Variants in CLSTN2 observed in about 807,000 individuals in gnomAD.
CLSTN2 encodes calsyntenin 2, also known as calsyntenin-2.
A neutral mutation model predicts 101.2 loss-of-function variants in CLSTN2; 48 were observed. The observed-to-expected ratio is 0.47, with a 90% CI of 0.38 to 0.60. The LOEUF is 0.60. CLSTN2 is among the 20% of genes least tolerant of loss of function. The pLI is 0.00. For missense variants in CLSTN2, 1,160 were observed against 1,238.2 expected (o/e 0.94, Z 0.95); for synonymous variants, 481 against 463.6 (o/e 1.04, Z -0.48).
intron 2 of CLSTN2, among the ~76,000 whole-genome samples, chr3:140,311,612 A>G (rs2087169560): frequency 6.6e-6 from 1 of 151,696 alleles, no homozygotes; most frequent in Admixed American, 6.6e-5. Flanking sequence ...GGCCAGATTT[A>G]TGATACTTAT....
intron 2 of CLSTN2, among the ~76,000 whole-genome samples, chr3:140,352,970 A>T (rs1006678162): frequency 2.0e-5 from 3 of 152,162 alleles, no homozygotes; most frequent in Non-Finnish European, 4.4e-5. Context: ...TTATATCTGT[A>T]CTGAACCTGT....
At chr3:140,096,476 T>C (rs1213278987) in intron 1 of CLSTN2, among the ~76,000 whole-genome samples, 2 of 152,176 alleles carry the variant, frequency 1.3e-5, no homozygotes, top group South Asian at 4.1e-4. Context: ...GCACTGGAAG[T>C]AAGGTGCTGG....
chr3:140,545,163 C>T (rs1935562198), intron 9 of CLSTN2, among the ~76,000 whole-genome samples: 1 of 152,124 alleles, frequency 6.6e-6, no homozygotes, highest in Non-Finnish European at 1.5e-5. Context: ...GCCAGCCCAC[C>T]CCCAAGCTGA....
chr3:140,083,001 G>A (rs976088124), intron 1 of CLSTN2, among the ~76,000 whole-genome samples: 8 of 152,136 alleles, frequency 5.3e-5, no homozygotes, highest in East Asian at 1.9e-4. Context: ...TGCTGTTTCC[G>A]CTGCCTGAGA....
chr3:140,282,353 A>G (rs2086856240), intron 2 of CLSTN2, among the ~76,000 whole-genome samples: 1 of 152,180 alleles, frequency 6.6e-6, no homozygotes, highest in Non-Finnish European at 1.5e-5. Context: ...GTACAGGTGC[A>G]GAGAGGTGAC....
At chr3:140,305,504 C>T (rs764855077) in intron 2 of CLSTN2, among the ~76,000 whole-genome samples, 1 of 152,162 alleles carries the variant, frequency 6.6e-6, no homozygotes, top group Non-Finnish European at 1.5e-5. Flanking sequence ...AGGTCAGACA[C>T]ATCGTGAGAG....
In CLSTN2 at chr3:140,144,936, C is replaced by A. The variant is rs185418631; in HGVS notation, c.110-31015C>A. On this transcript the variant is annotated intron_variant, in intron 1 of 16. Coordinates refer to ENST00000458420, the MANE Select transcript of CLSTN2 (RefSeq NM_022131.3). ...TGTGAAGAGTTATTTCAACTCATAT[C>A]TTTTGTGAAAGAGGCTCTCACCTCT... Among the ~76,000 whole-genome samples the A allele has an allele frequency of 2.7e-3, 410 of 152,342 alleles. 7 individuals carry two copies. Among genetic ancestry groups the A allele is most frequent in the Non-Finnish European group, 7.6e-4 (52 of 68,030 alleles).
At chr3:140,113,213 G>C (rs2009183897) in intron 1 of CLSTN2, among the ~76,000 whole-genome samples, 1 of 152,168 alleles carries the variant, frequency 6.6e-6, no homozygotes. Context: ...CCTCGCAAGA[G>C]AGCCAGTTTA....
chr3:140,530,258 T>C (rs1935225966), intron 8 of CLSTN2, among the ~76,000 whole-genome samples: 1 of 152,236 alleles, frequency 6.6e-6, no homozygotes, highest in African/African-American at 2.4e-5. Context: ...TGATGCTACA[T>C]GAAATATGCA....
chr3:140,061,083 G>A (rs950521023), intron 1 of CLSTN2, among the ~76,000 whole-genome samples: 23 of 152,280 alleles, frequency 1.5e-4, no homozygotes, highest in South Asian at 4.2e-4. Flanking sequence ...AAGATTCCTC[G>A]AGGCTTTTCT....
chr3:139,987,778 G>A (rs955480604), intron 1 of CLSTN2, among the ~76,000 whole-genome samples: 1 of 152,126 alleles, frequency 6.6e-6, no homozygotes, highest in African/African-American at 2.4e-5. Context: ...AAATCAAATT[G>A]TACACCCAGA....
At chr3:140,414,542 T>C (rs907838450) in intron 4 of CLSTN2, among the ~76,000 whole-genome samples, 1 of 151,962 alleles carries the variant, frequency 6.6e-6, no homozygotes, top group Admixed American at 6.6e-5. Context: ...TACAGAGTGA[T>C]ATAATGCACA....
intron 2 of CLSTN2, among the ~76,000 whole-genome samples, chr3:140,181,438 A>T (rs924301375): frequency 2.6e-5 from 4 of 152,064 alleles, no homozygotes; most frequent in African/African-American, 4.8e-5. Context: ...GATTTTTTTT[A>T]AAAAAGAGAA....
chr3:140,124,346 G>C (rs140427712), intron 1 of CLSTN2, among the ~76,000 whole-genome samples: 1 of 152,278 alleles, frequency 6.6e-6, no homozygotes, highest in Non-Finnish European at 1.5e-5. Context: ...GGGATTGTTA[G>C]TGGACTGCTG....
In CLSTN2 at chr3:140,558,656, G is replaced by A. The variant is rs764350150; in HGVS notation, c.1840G>A (p.Val614Ile). The A allele has an allele frequency of 9.9e-6, 16 of 1,613,378 alleles. No homozygotes were observed. The highest frequency in any genetic ancestry group is 1.7e-5 in the Admixed American group (1 of 59,990). The change falls in exon 12 of 17, where the codon GTA becomes ATA. Residue 614 changes from valine (V) to isoleucine (I), a missense_variant. Val to Ile is a conservative substitution (Grantham distance 29, BLOSUM62 3). Coordinates refer to ENST00000458420, the MANE Select transcript of CLSTN2 (RefSeq NM_022131.3). ...TTTTCCCAGGTGCTTTGGGGAAGAC[G>A]TATGCATCAGTATCCCTGAGGTAGA... Reference protein sequence around the residue: ...SSKVQCFGEDVCISIPEVDAY... With the variant: ...SSKVQCFGEDICISIPEVDAY...
chr3:140,249,493 T>C (rs1446736218), intron 2 of CLSTN2, among the ~76,000 whole-genome samples: 4 of 152,140 alleles, frequency 2.6e-5, no homozygotes, highest in African/African-American at 4.8e-5. Flanking sequence ...CTGGTCTAAC[T>C]AGCAGATGTG....
intron 2 of CLSTN2, among the ~76,000 whole-genome samples, chr3:140,387,444 C>T (rs368037863): frequency 1.2e-4 from 18 of 152,320 alleles, no homozygotes; most frequent in African/African-American, 4.3e-4. Context: ...GCCTGTGAGC[C>T]TTTCTGCTTC....
chr3:140,394,824 T>C (rs1397542734), intron 2 of CLSTN2, among the ~76,000 whole-genome samples: 2 of 152,212 alleles, frequency 1.3e-5, no homozygotes, highest in African/African-American at 4.8e-5. Flanking sequence ...ATTGTTATTA[T>C]TATTCATTTT....
chr3:140,486,021 C>A (rs1372396467), intron 8 of CLSTN2, among the ~76,000 whole-genome samples: 6 of 151,458 alleles, frequency 4.0e-5, no homozygotes, highest in Non-Finnish European at 8.8e-5. Flanking sequence ...CAGAAATCAC[C>A]CATCTTCTGC....
Sources: gnomAD v4.1 joint callset for allele counts (sites outside exome capture counted in the v4.1 genomes callset) on GRCh38, gnomAD v4.1.1 for gene constraint, MANE v1.5 for transcripts, NCBI Gene and HGNC (gene_info 2026-07-23, HGNC 2026-07-21) for gene names.